UGT1A6: variants seen among roughly 807,000 people sequenced by gnomAD.
UGT1A6 encodes UDP-glucuronosyltransferase 1A6.
UGT1A6 carries 32 observed loss-of-function variants against 44.4 expected under a neutral mutation model. The ratio of observed to expected loss-of-function variants is 0.72; its 90% CI spans 0.54 to 0.97. The LOEUF (loss-of-function observed/expected upper bound fraction) is 0.97. Among genes scored for constraint, UGT1A6 ranks in the 50% least tolerant of loss-of-function variants. The probability of loss-of-function intolerance (pLI) is 0.00; values close to 1 mark genes in which losing one functional copy is unlikely to be tolerated. For synonymous variants in UGT1A6, 238 were observed against 248.5 expected (o/e 0.96, Z 0.40); for missense variants, 685 against 661.9 (o/e 1.03, Z -0.38).
chr2:233,760,254 G>C (rs1697373006), intron 1 of UGT1A6: 2 of 1,610,464 alleles, frequency 1.2e-6, no homozygotes, highest in South Asian at 2.2e-5. Flanking sequence ...ATATAAGTAG[G>C]AGAGGGCGAA....
chr2:233,766,640 TATC>T (rs1314167466), intron 1 of UGT1A6, among the ~76,000 whole-genome samples: 1 of 152,156 alleles, frequency 6.6e-6, no homozygotes, highest in African/African-American at 2.4e-5. Context: ...CCTACTTCCA[TATC>T]ATTTAAAGGG....
intron 1 of UGT1A6, among the ~76,000 whole-genome samples, chr2:233,752,060 G>T (rs1330346161): frequency 6.6e-6 from 1 of 152,256 alleles, no homozygotes; most frequent in East Asian, 1.9e-4. Context: ...ATGATTTCCC[G>T]AGATGGGGAA....
chr2:233,726,660 C>T (rs1324715982), intron 1 of UGT1A6, among the ~76,000 whole-genome samples: 1 of 152,178 alleles, frequency 6.6e-6, no homozygotes, highest in Non-Finnish European at 1.5e-5. Flanking sequence ...TTAATTTAAT[C>T]ATATCTGTGA....
Position 233,693,374 on chromosome 2 carries a change from A to C in UGT1A6, c.370A>C (p.Ile124Leu). The C allele has an allele frequency of 1.2e-6, 2 of 1,614,180 alleles. No homozygotes were observed. The highest frequency in any genetic ancestry group is 1.7e-6 in the Non-Finnish European group (2 of 1,180,036). ...NNMIVIGLYF[I>L]NCQSLLQDRD... Reference sequence around the variant, plus strand: ...CATGATTGTTATTGGCCTGTACTTCATCAACTGCCAGAGCCTCCTGCAGGA... The same window carrying C: ...CATGATTGTTATTGGCCTGTACTTCCTCAACTGCCAGAGCCTCCTGCAGGA... The change falls in exon 1 of 5, where the codon ATC becomes CTC. Residue 124 changes from isoleucine to leucine, a missense_variant. Physicochemically the swap from Ile to Leu is conservative, Grantham distance 5. Coordinates refer to ENST00000305139, the MANE Select transcript of UGT1A6 (RefSeq NM_001072.4).
chr2:233,729,769 C>T (rs760048643), intron 1 of UGT1A6: 6 of 1,614,014 alleles, frequency 3.7e-6, no homozygotes, highest in East Asian at 2.2e-5. Flanking sequence ...CAAGAACATG[C>T]TCTACCCTCT....
chr2:233,734,795 T>G (rs1470883191), intron 1 of UGT1A6, among the ~76,000 whole-genome samples: 1 of 152,214 alleles, frequency 6.6e-6, no homozygotes, highest in Non-Finnish European at 1.5e-5. Context: ...CAGGAGCAGG[T>G]TGTTCAGTTT....
chr2:233,718,135 A>C, intron 1 of UGT1A6: 1 of 229,592 alleles, frequency 4.4e-6, no homozygotes, highest in Non-Finnish European at 9.1e-6. Flanking sequence ...GTAGATGGAG[A>C]ATCCTCAATA....
chr2:233,693,131 A>G lies in UGT1A6; in HGVS notation c.127A>G (p.Lys43Glu). The G allele has an allele frequency of 6.2e-7, 1 of 1,614,212 alleles. No homozygotes were observed. The highest frequency in any genetic ancestry group is 8.5e-7 in the Non-Finnish European group (1 of 1,180,044). Reference sequence around the variant, plus strand: ...GGACGGAAGCCACTGGCTTAGTATGAAGGATATAGTTGAGGTTCTCAGTGA... The same window carrying G: ...GGACGGAAGCCACTGGCTTAGTATGGAGGATATAGTTGAGGTTCTCAGTGA... ...PQDGSHWLSM[K>E]DIVEVLSDRG... is the part of the protein sequence containing the mutation. The change falls in exon 1 of 5, where the codon AAG (lysine) becomes GAG (glutamate). Residue 43 changes from lysine to glutamate, a missense_variant. Lys to Glu is a moderately conservative substitution (Grantham distance 56, BLOSUM62 1). Coordinates refer to ENST00000305139, the MANE Select transcript of UGT1A6 (RefSeq NM_001072.4).
chr2:233,734,158 C>CT (rs2078493084), intron 1 of UGT1A6, among the ~76,000 whole-genome samples: 1 of 151,988 alleles, frequency 6.6e-6, no homozygotes, highest in African/African-American at 2.4e-5. Flanking sequence ...TGGTCCTGGA[C>CT]TTTTTTTGGT....
chr2:233,727,233 T>C (rs17864698), intron 1 of UGT1A6, among the ~76,000 whole-genome samples: 72 of 152,246 alleles, frequency 4.7e-4, no homozygotes, highest in Non-Finnish European at 7.8e-4. Context: ...TGCGGATGGC[T>C]CCAAGTCTAT....
intron 1 of UGT1A6, among the ~76,000 whole-genome samples, chr2:233,724,182 C>A (rs1411199563): frequency 3.3e-5 from 4 of 119,646 alleles, no homozygotes; most frequent in African/African-American, 7.6e-5. Flanking sequence ...ATCTCCCTCC[C>A]GGACGGGGTG....
intron 1 of UGT1A6, chr2:233,722,085 C>T: frequency 4.6e-6 from 1 of 216,028 alleles, no homozygotes; most frequent in Non-Finnish European, 9.4e-6. Context: ...TTTCACAGAT[C>T]ACCTTAGGCC....
In UGT1A6 at chr2:233,769,812, GC is replaced by G; in HGVS notation, c.1301+1375del. The G allele has an allele frequency of 1.0e-6, 1 of 971,458 alleles. No individual in the cohort carries two copies. Among genetic ancestry groups the G allele is most frequent in the African/African-American group, 1.7e-5 (1 of 59,662 alleles). The allele number at this position is 971,458 out of a possible 1,614,324, so 60.2% of individuals were successfully genotyped here. A position where few individuals can be genotyped will look rare whatever the true frequency, so the allele number is the denominator to read the frequency against. On this transcript the variant is annotated intron_variant, in intron 4 of 4. Coordinates refer to ENST00000305139, the MANE Select transcript of UGT1A6 (RefSeq NM_001072.4). This position sits in a 1 kb window ranked among gnomAD's most constrained non-coding sequence, Gnocchi z 4.4. The stretch of plus-strand genomic sequence containing the variant: ...GGAGGCTGCTATGAGCCGTGATCAT[GC>G]CACTGCACTCCAGCAACCTGGGCAA...
chr2:233,724,899 C>G lies in UGT1A6; in HGVS notation c.861+31034C>G, dbSNP rs1488264154. On this transcript the variant is annotated intron_variant, in intron 1 of 4. Transcript: ENST00000305139. ...CGGAGATCACGCCACTGCACTCCAGCCTGGGCACCATTGAGCACTGAGTGA... is the reference window on the plus strand; with the variant it reads ...CGGAGATCACGCCACTGCACTCCAGGCTGGGCACCATTGAGCACTGAGTGA... Among the ~76,000 whole-genome samples the G allele has an allele frequency of 2.9e-5, 4 of 138,200 alleles. No homozygotes were observed. In the East Asian group the frequency reaches 8.6e-4, roughly 30 times the overall value. The allele number at this position is 138,200 out of a possible 152,430, so 90.7% of individuals were successfully genotyped here.
rs149750520 is a variant in UGT1A6, at chr2:233,767,884, T to C, written c.1029T>C (p.Asn343=). ...GGTACACTGGAACCCGACCATCGAA[T>C]CTTGCGAACAACACGATACTTGTTA... The part of the protein sequence containing the change: ...LWRYTGTRPS[N]LANNTILVKW... The change falls in exon 3 of 5, where the codon AAT becomes AAC. Residue 343 remains asparagine (N), a synonymous_variant. Coordinates refer to ENST00000305139, the MANE Select transcript of UGT1A6 (RefSeq NM_001072.4). The C allele has an allele frequency of 6.2e-7, 1 of 1,614,080 alleles. No homozygotes were observed. Among genetic ancestry groups the C allele is most frequent in the East Asian group, 2.2e-5 (1 of 44,900 alleles).
At chr2:233,764,695 A>C (rs1698624140) in intron 1 of UGT1A6, among the ~76,000 whole-genome samples, 1 of 152,184 alleles carries the variant, frequency 6.6e-6, no homozygotes. Context: ...GAGCACTTGG[A>C]AATGAGCTGT....
At chr2:233,719,169 A>T (rs1251118091) in intron 1 of UGT1A6, 3 of 1,614,252 alleles carry the variant, frequency 1.9e-6, no homozygotes, top group East Asian at 2.2e-5. Flanking sequence ...TATGGCAATT[A>T]TGAACAATGT....
intron 1 of UGT1A6, among the ~76,000 whole-genome samples, chr2:233,764,716 G>C (rs1292483836): frequency 6.6e-6 from 1 of 152,182 alleles, no homozygotes; most frequent in Non-Finnish European, 1.5e-5. Context: ...GTCTCCCCAA[G>C]AAAGAGGGAG....
chr2:233,734,616 T>C (rs2078540988), intron 1 of UGT1A6, among the ~76,000 whole-genome samples: 1 of 152,220 alleles, frequency 6.6e-6, no homozygotes, highest in Admixed American at 6.5e-5. Context: ...AGTGTGTTGA[T>C]TTTAGATCTT....
Sources: allele counts gnomAD v4.1 joint callset (sites outside exome capture counted in the v4.1 genomes callset), GRCh38; gene constraint gnomAD v4.1.1; non-coding constraint Gnocchi (gnomAD v3.1); transcripts MANE v1.5; gene names NCBI Gene and HGNC (gene_info 2026-07-23, HGNC 2026-07-21).